The following COG5 variants were observed in gnomAD, a reference collection of about 807,000 sequenced individuals.
The protein encoded by COG5 is component of oligomeric golgi complex 5, also known as conserved oligomeric Golgi complex subunit 5.
Under a neutral mutation model 110.4 loss-of-function variants are expected in COG5, and 86 were observed. The ratio of observed to expected loss-of-function variants is 0.78; its 90% confidence interval spans 0.65 to 0.93. The LOEUF (loss-of-function observed/expected upper bound fraction) is 0.93, where lower values mean the gene tolerates loss of function less well. Among genes scored for constraint, COG5 ranks in the 40% least tolerant of loss-of-function variants. The pLI is 0.00. For synonymous variants in COG5, 360 were observed against 334.6 expected (o/e 1.08, Z -0.83); for missense variants, 1,077 against 987.0 (o/e 1.09, Z -1.22).
In COG5 at chr7:107,362,142, T is replaced by C. The variant is rs748394413; in HGVS notation, c.949-32A>G. ...TGAAACAAATGTAAAGCTTAGGCAATAGAAAAAGCAAGAAAAGGGAAATGG... is the reference window on the plus strand; with the variant it reads ...TGAAACAAATGTAAAGCTTAGGCAACAGAAAAAGCAAGAAAAGGGAAATGG... On this transcript the variant is annotated intron_variant, in intron 9 of 21. Coordinates refer to ENST00000297135, the MANE Select transcript of COG5 (RefSeq NM_006348.5). 145 of 1,545,236 alleles carry C rather than the reference T, an allele frequency of 9.4e-5. 3 individuals carry two copies. The South Asian group carries it at 1.4e-3, about 14-fold the overall frequency.
chr7:107,301,886 A>G (rs1340637680), intron 11 of COG5, among the ~76,000 whole-genome samples: 1 of 152,198 alleles, frequency 6.6e-6, no homozygotes, highest in Non-Finnish European at 1.5e-5. Context: ...AAATGACCAT[A>G]TCAAATATTG....
At position 107,346,881 on chromosome 7, in the gene COG5, T is replaced by C. The variant is rs534589210; in HGVS notation, c.1026+15152A>G. On this transcript the variant is annotated intron_variant, in intron 10 of 21. Coordinates refer to ENST00000297135, the MANE Select transcript of COG5 (RefSeq NM_006348.5). ...CCCTACCCCACAACATGCCCTGGTG[T>C]GTGATGCTCCCCATCAACAGGAGGA... Among the ~76,000 whole-genome samples the C allele has an allele frequency of 4.6e-5, 7 of 152,220 alleles. No homozygotes were observed. In the East Asian group the frequency reaches 1.4e-3, roughly 29 times the overall value.
chr7:107,292,891 A>G (rs1384776085), intron 12 of COG5, among the ~76,000 whole-genome samples: 1 of 152,192 alleles, frequency 6.6e-6, no homozygotes, highest in Admixed American at 6.5e-5. Flanking sequence ...TTACATGTAG[A>G]CATACAGCTT....
chr7:107,529,722 C>CCTTT (rs1801047345), intron 5 of COG5, among the ~76,000 whole-genome samples: 1 of 152,170 alleles, frequency 6.6e-6, no homozygotes, highest in Non-Finnish European at 1.5e-5. Context: ...AGCGTACTTT[C>CCTTT]CTTTCTTTCT....
intron 5 of COG5, among the ~76,000 whole-genome samples, chr7:107,544,349 A>G (rs1348089966): frequency 6.6e-6 from 1 of 152,218 alleles, no homozygotes; most frequent in Non-Finnish European, 1.5e-5. Context: ...GTGCCAGGTC[A>G]GCTCCCAAGG....
chr7:107,294,960 T>TAC (rs1185587747), intron 12 of COG5, among the ~76,000 whole-genome samples: 13 of 123,640 alleles, frequency 1.1e-4, no homozygotes, highest in South Asian at 2.6e-4. Flanking sequence ...CATATATATA[T>TAC]ACACACATAT....
intron 5 of COG5, among the ~76,000 whole-genome samples, chr7:107,529,377 C>T (rs546924847): frequency 6.6e-6 from 1 of 152,306 alleles, no homozygotes; most frequent in Non-Finnish European, 1.5e-5. Context: ...AGGGAGAGGA[C>T]ATTTCCTGAT....
At position 107,248,497 on chromosome 7, in the gene COG5, A is replaced by T. The variant is rs1802224526; in HGVS notation, c.1752T>A (p.Ala584=). 1.3e-6 allele frequency: 2 copies of T among 1,576,370 alleles called. No homozygotes were observed. Among genetic ancestry groups the T allele is most frequent in the Non-Finnish European group, 1.7e-6 (2 of 1,152,312 alleles). The change falls in exon 17 of 22, where the codon GCT becomes GCA. Residue 584 remains alanine, a splice_region_variant and synonymous_variant. Transcript: ENST00000297135. ...CAGCATTTTCCATAAGAGCATGAAT[A>T]GCCTAAAAAAAAAAAAGAAAGAAAA... ...AEQTIISALK[A]IHALMENAVQ... is the part of the protein sequence containing the mutation.
At chr7:107,456,483 C>G (rs1206634224) in intron 6 of COG5, among the ~76,000 whole-genome samples, 1 of 152,164 alleles carries the variant, frequency 6.6e-6, no homozygotes, top group East Asian at 1.9e-4. Context: ...TATACTTTAG[C>G]TTTCGGCTAA....
At chr7:107,427,048 T>G (rs1217043149) in intron 6 of COG5, among the ~76,000 whole-genome samples, 9 of 152,158 alleles carry the variant, frequency 5.9e-5, no homozygotes, top group Admixed American at 5.9e-4. Flanking sequence ...GTTTCGAGGT[T>G]TGCACGACAG....
chr7:107,520,710 C>T (rs1227578265), intron 6 of COG5, among the ~76,000 whole-genome samples: 1 of 152,146 alleles, frequency 6.6e-6, no homozygotes, highest in Non-Finnish European at 1.5e-5. Flanking sequence ...GTGAAAATGG[C>T]CATACTATCC....
intron 6 of COG5, among the ~76,000 whole-genome samples, chr7:107,498,334 A>C (rs1291649711): frequency 6.6e-6 from 1 of 152,196 alleles, no homozygotes; most frequent in Non-Finnish European, 1.5e-5. Context: ...AGACAGTGAA[A>C]ATGCAACCTA....
At chr7:107,530,811 C>T (rs1490275700) in intron 5 of COG5, among the ~76,000 whole-genome samples, 1 of 152,070 alleles carries the variant, frequency 6.6e-6, no homozygotes, top group Non-Finnish European at 1.5e-5. Flanking sequence ...CCCCTCCAAT[C>T]AATTTCCTTT....
At chr7:107,545,500 C>A (rs888388214) in intron 5 of COG5, among the ~76,000 whole-genome samples, 19 of 152,188 alleles carry the variant, frequency 1.2e-4, no homozygotes, top group Non-Finnish European at 2.4e-4. Context: ...AGAAAATAGG[C>A]TGGGTGCAGT....
At chr7:107,331,097 G>A (rs1402661967) in intron 10 of COG5, among the ~76,000 whole-genome samples, 1 of 152,158 alleles carries the variant, frequency 6.6e-6, no homozygotes, top group Non-Finnish European at 1.5e-5. Flanking sequence ...ATCAGATCAA[G>A]GTATGTCTAC....
chr7:107,410,981 G>GTAT (rs1792244858), intron 7 of COG5, among the ~76,000 whole-genome samples: 1 of 152,200 alleles, frequency 6.6e-6, no homozygotes, highest in African/African-American at 2.4e-5. Context: ...TGAGCCCAAC[G>GTAT]TATGAGAATA....
At chr7:107,403,392 T>A (rs1442208660) in intron 7 of COG5, among the ~76,000 whole-genome samples, 2 of 152,232 alleles carry the variant, frequency 1.3e-5, no homozygotes, top group African/African-American at 2.4e-5. Flanking sequence ...CACCCTTTTT[T>A]TTTTTTTAAA....
At chr7:107,518,784 T>TGAACTCACTCTGGATCAAGTG (rs1800124391) in intron 6 of COG5, among the ~76,000 whole-genome samples, 1 of 152,180 alleles carries the variant, frequency 6.6e-6, no homozygotes, top group African/African-American at 2.4e-5. Context: ...ATTCACGACT[T>TGAACTCACTCTGGATCAAGTG]GAACTCACTC....
At chr7:107,461,121 C>G (rs1795965071) in intron 6 of COG5, among the ~76,000 whole-genome samples, 2 of 151,810 alleles carry the variant, frequency 1.3e-5, no homozygotes, top group African/African-American at 4.8e-5. Flanking sequence ...ATTCCAAAAC[C>G]AGATCAAAAT....
Sources: allele counts gnomAD v4.1 joint callset (sites outside exome capture counted in the v4.1 genomes callset), GRCh38; gene constraint gnomAD v4.1.1; transcripts MANE v1.5; gene names NCBI Gene and HGNC (gene_info 2026-07-23, HGNC 2026-07-21).